LRP1B: variants seen among roughly 807,000 people sequenced by gnomAD.
The protein encoded by LRP1B is LDL receptor related protein 1B, also known as low-density lipoprotein receptor-related protein 1B.
A neutral mutation model predicts 556.6 loss-of-function variants in LRP1B; 217 were observed. The observed-to-expected ratio is 0.39, with a 90% CI of 0.35 to 0.44. The LOEUF is 0.44. Ranked by LOEUF, LRP1B falls within the 20% of genes least tolerant of loss-of-function variation. LRP1B has a pLI of 1.00. For synonymous variants in LRP1B, 2,047 were observed against 1,865.8 expected, an observed-to-expected ratio of 1.10 and a Z score of -2.50; for missense variants, 5,053 against 5,620.8, an observed-to-expected ratio of 0.90 and a Z score of 3.23.
chr2:140,917,230 C>T (rs1694606543), intron 21 of LRP1B, among the ~76,000 whole-genome samples: 1 of 152,142 alleles, frequency 6.6e-6, no homozygotes. Flanking sequence ...CAGAAATTTT[C>T]ATTCATCTCA....
chr2:141,542,954 A>G (rs1000799861), intron 2 of LRP1B, among the ~76,000 whole-genome samples: 2 of 152,314 alleles, frequency 1.3e-5, no homozygotes, highest in East Asian at 3.9e-4. Flanking sequence ...TACTGATAGC[A>G]GAAGATTCCC....
intron 79 of LRP1B, among the ~76,000 whole-genome samples, chr2:140,329,942 A>G (rs1334226135): frequency 1.3e-5 from 2 of 151,854 alleles, no homozygotes; most frequent in African/African-American, 4.8e-5. Context: ...GCTCCCACCT[A>G]TAATCCCAGA....
chr2:141,779,095 A>G (rs1222217491), intron 2 of LRP1B, among the ~76,000 whole-genome samples: 1 of 152,196 alleles, frequency 6.6e-6, no homozygotes, highest in Non-Finnish European at 1.5e-5. Flanking sequence ...TTTACTAAAG[A>G]GAAAATTGAA....
At position 140,503,057 on chromosome 2, in the gene LRP1B, C is replaced by G. The variant is rs756040702; in HGVS notation, c.8568G>C (p.Arg2856=). Residue 2856 remains arginine, a synonymous_variant, in exon 54 of 91, where the codon CGG becomes CGC. Transcript: ENST00000389484. ...GTEEFSCADG[R]CLLNTQWQCD... Reference sequence around the variant, plus strand: ...ACTGCCATTGAGTATTTAGAAGACACCGCCCATCAGCACAACTAAATTCTT... The same window carrying G: ...ACTGCCATTGAGTATTTAGAAGACAGCGCCCATCAGCACAACTAAATTCTT... 3.8e-5 allele frequency: 61 copies of G among 1,613,170 alleles called. No individual in the cohort carries two copies. The African/African-American group carries it at 7.6e-4, about 20-fold the overall frequency.
chr2:140,838,761 T>C (rs1692003188), intron 31 of LRP1B, among the ~76,000 whole-genome samples: 1 of 152,168 alleles, frequency 6.6e-6, no homozygotes, highest in Non-Finnish European at 1.5e-5. Context: ...ACTAAATTTT[T>C]AAAAGGTATT....
chr2:140,412,874 A>G (rs747834019), intron 66 of LRP1B, among the ~76,000 whole-genome samples: 11 of 152,230 alleles, frequency 7.2e-5, no homozygotes, highest in Middle Eastern at 6.9e-3. Flanking sequence ...ACTTAACTAG[A>G]TAAATTTCAA....
chr2:141,353,817 C>T (rs1468331726), intron 3 of LRP1B, among the ~76,000 whole-genome samples: 4 of 151,876 alleles, frequency 2.6e-5, no homozygotes, highest in Non-Finnish European at 5.9e-5. Flanking sequence ...CTTATAGTGC[C>T]CTTTCTTATC....
At chr2:140,548,031 G>A (rs940356254) in intron 43 of LRP1B, among the ~76,000 whole-genome samples, 3 of 150,402 alleles carry the variant, frequency 2.0e-5, no homozygotes, top group African/African-American at 7.3e-5. Flanking sequence ...TAAATATTTA[G>A]CAAAATAAAC....
rs986343708 is a variant in LRP1B at position 140,526,664 on chromosome 2, A to G, written c.7763-314T>C. Among the ~76,000 whole-genome samples the G allele has an allele frequency of 3.4e-5, 5 of 147,496 alleles. No individual in the cohort carries two copies. In the South Asian group the frequency reaches 1.1e-3, roughly 32 times the overall value. ...GCAGGGACCATGCTGTGTTGATATC[A>G]TATTGCTGTGGTAATATCACCCTAG... is the stretch of plus-strand genomic sequence containing the variant. On this transcript the variant is annotated intron_variant, in intron 47 of 90. Coordinates refer to ENST00000389484, the MANE Select transcript of LRP1B (RefSeq NM_018557.3).
rs183962248 is a variant in LRP1B, at chr2:141,571,108, C to T, written c.206-90575G>A. Among the ~76,000 whole-genome samples the T allele has an allele frequency of 4.8e-4, 72 of 151,328 alleles. 5 individuals carry two copies. Among genetic ancestry groups the T allele is most frequent in the Non-Finnish European group, 7.4e-4 (50 of 67,440 alleles). The stretch of plus-strand genomic sequence containing the variant: ...CCCTGTGCCACCCAACTGGGTGAGA[C>T]GCTCCAACAGGGGTTGTCAGACACC... On this transcript the variant is annotated intron_variant, in intron 2 of 90. Coordinates refer to ENST00000389484, the MANE Select transcript of LRP1B (RefSeq NM_018557.3).
intron 3 of LRP1B, among the ~76,000 whole-genome samples, chr2:141,300,714 A>G (rs937392665): frequency 2.0e-5 from 3 of 152,096 alleles, no homozygotes; most frequent in Non-Finnish European, 2.9e-5. Flanking sequence ...TAGGACGTGC[A>G]TGCTTCACCT....
chr2:141,451,652 A>G (rs767042447), intron 3 of LRP1B, among the ~76,000 whole-genome samples: 6 of 152,182 alleles, frequency 3.9e-5, no homozygotes, highest in Non-Finnish European at 5.9e-5. Flanking sequence ...CACAAACAGA[A>G]GGGCTTCTTT....
chr2:141,972,729 T>C (rs1336373372), intron 1 of LRP1B, among the ~76,000 whole-genome samples: 2 of 151,670 alleles, frequency 1.3e-5, no homozygotes, highest in Middle Eastern at 3.2e-3. Flanking sequence ...TTTAAACATG[T>C]TTTCAACATT....
chr2:140,457,505 T>C lies in LRP1B; in HGVS notation c.9772A>G (p.Ile3258Val). 6.2e-7 allele frequency: 1 copy of C among 1,613,798 alleles called. No individual in the cohort carries two copies. Among genetic ancestry groups the C allele is most frequent in the Non-Finnish European group, 8.5e-7 (1 of 1,179,740 alleles). Reference protein sequence around the residue: ...RLSLIYSWHAITDIQVYHSYR... With the variant: ...RLSLIYSWHAVTDIQVYHSYR... Reference sequence around the variant, plus strand: ...GAATGATACACCTGGATATCTGTGATGGCATGCCATGAGTAAATCAGTGAG... The same window carrying C: ...GAATGATACACCTGGATATCTGTGACGGCATGCCATGAGTAAATCAGTGAG... Residue 3258 changes from isoleucine to valine, a missense_variant, in exon 61 of 91, where the codon ATC becomes GTC. Physicochemically the swap from Ile to Val is conservative, Grantham distance 29. Coordinates refer to ENST00000389484, the MANE Select transcript of LRP1B (RefSeq NM_018557.3).
chr2:141,791,217 G>T (rs1161051845), intron 2 of LRP1B, among the ~76,000 whole-genome samples: 3 of 151,822 alleles, frequency 2.0e-5, no homozygotes, highest in Non-Finnish European at 2.9e-5. Context: ...AGAGAGAATT[G>T]CATTCACAAA....
At chr2:140,405,802 CACCAA>C (rs1222436952) in intron 66 of LRP1B, among the ~76,000 whole-genome samples, 16 of 152,034 alleles carry the variant, frequency 1.1e-4, no homozygotes, top group Non-Finnish European at 2.2e-4. Flanking sequence ...TATGAAACTA[CACCAA>C]AATATTGAGA....
chr2:140,496,905 A>G (rs1688968996), intron 55 of LRP1B, among the ~76,000 whole-genome samples: 1 of 147,678 alleles, frequency 6.8e-6, no homozygotes, highest in African/African-American at 2.5e-5. Flanking sequence ...TTATTTATTT[A>G]TTTATTTATT....
chr2:140,529,906 C>T (rs1381528495), intron 47 of LRP1B, among the ~76,000 whole-genome samples: 1 of 151,828 alleles, frequency 6.6e-6, no homozygotes, highest in Non-Finnish European at 1.5e-5. Context: ...AAGTCTAAAG[C>T]TCTCCTGTCA....
At chr2:141,288,625 G>A (rs1029437814) in intron 3 of LRP1B, among the ~76,000 whole-genome samples, 1 of 152,074 alleles carries the variant, frequency 6.6e-6, no homozygotes, top group African/African-American at 2.4e-5. Flanking sequence ...GCCTGAAACT[G>A]ATTATCTTAA....
Sources: allele counts gnomAD v4.1 joint callset (sites outside exome capture counted in the v4.1 genomes callset), GRCh38; gene constraint gnomAD v4.1.1; transcripts MANE v1.5; gene names NCBI Gene and HGNC (gene_info 2026-07-23, HGNC 2026-07-21).